The following MSRA variants were observed in gnomAD, a reference collection of about 807,000 sequenced individuals.
The protein encoded by MSRA is methionine sulfoxide reductase A, also known as mitochondrial peptide methionine sulfoxide reductase.
In MSRA, 54 loss-of-function variants were observed where a neutral mutation model predicts 31.3. The ratio of observed to expected loss-of-function variants is 1.73; its 90% CI spans 1.39 to 2.17. The LOEUF (loss-of-function observed/expected upper bound fraction) is 2.17, where lower values mean the gene tolerates loss of function less well. Among genes scored for constraint, MSRA ranks in the 30% most tolerant of loss-of-function variants. The pLI, the probability that MSRA is intolerant of heterozygous loss-of-function variation, is 0.00. For missense variants in MSRA, 507 were observed against 300.9 expected (o/e 1.69, Z -5.07); for synonymous variants, 169 against 116.5 (o/e 1.45, Z -2.90).
intron 2 of MSRA, among the ~76,000 whole-genome samples, chr8:10,238,656 G>C (rs1200810866): frequency 6.6e-6 from 1 of 152,170 alleles, no homozygotes; most frequent in African/African-American, 2.4e-5. Flanking sequence ...AGATAAGTGG[G>C]AGAAATAATG....
At chr8:10,158,284 C>CA (rs2129040746) in intron 1 of MSRA, among the ~76,000 whole-genome samples, 1 of 152,336 alleles carries the variant, frequency 6.6e-6, no homozygotes, top group Admixed American at 6.5e-5. Context: ...GAACTGCAGT[C>CA]AGACAGTTGT....
chr8:10,259,390 T>C (rs151255935), intron 3 of MSRA, among the ~76,000 whole-genome samples: 1 of 152,256 alleles, frequency 6.6e-6, no homozygotes, highest in Admixed American at 6.5e-5. Flanking sequence ...GAAGAGTTAA[T>C]TCACAGGTTG....
At chr8:10,209,637 A>G (rs898594365) in intron 2 of MSRA, among the ~76,000 whole-genome samples, 9 of 151,966 alleles carry the variant, frequency 5.9e-5, no homozygotes, top group African/African-American at 2.2e-4. Context: ...TCATTGTTTC[A>G]CTTTCAGCGG....
chr8:10,073,174 A>G (rs553910463), intron 1 of MSRA, among the ~76,000 whole-genome samples: 10 of 152,328 alleles, frequency 6.6e-5, no homozygotes, highest in African/African-American at 1.7e-4. Context: ...GAGAGCAGAC[A>G]TGCTTACTTT....
intron 2 of MSRA, among the ~76,000 whole-genome samples, chr8:10,238,525 T>A (rs905544817): frequency 7.2e-5 from 11 of 152,224 alleles, no homozygotes; most frequent in Non-Finnish European, 1.2e-4. Context: ...AAAAAATATT[T>A]GTTGAATAAA....
At chr8:10,133,781 C>T (rs927959519) in intron 1 of MSRA, among the ~76,000 whole-genome samples, 1 of 152,090 alleles carries the variant, frequency 6.6e-6, no homozygotes, top group Non-Finnish European at 1.5e-5. Flanking sequence ...GGATATTATC[C>T]TGACCTGTCA....
chr8:10,063,862 G>T (rs1797329763), intron 1 of MSRA, among the ~76,000 whole-genome samples: 1 of 152,220 alleles, frequency 6.6e-6, no homozygotes, highest in South Asian at 2.1e-4. Context: ...CTGGCGGACT[G>T]AGACACAGGA....
rs574545399 is a variant in MSRA, at chr8:10,187,433, C to T, written c.143-20400C>T. Among the ~76,000 whole-genome samples the T allele has an allele frequency of 6.6e-5, 10 of 152,250 alleles. No homozygotes were observed. In the East Asian group the frequency reaches 9.6e-4, roughly 15 times the overall value. The stretch of plus-strand genomic sequence containing the variant: ...GCTACCTTCCACCACCAGCTTCTGC[C>T]GCATGTTGTATGTTAGGAAGCTTAC... On this transcript the variant is annotated intron_variant, in intron 1 of 5. Transcript: ENST00000317173.
At chr8:10,245,591 T>G (rs1010727839) in intron 3 of MSRA, among the ~76,000 whole-genome samples, 1 of 152,218 alleles carries the variant, frequency 6.6e-6, no homozygotes, top group Non-Finnish European at 1.5e-5. Context: ...GTGGGTTGCC[T>G]GGGGGCTAGT....
At chr8:10,094,288 C>T (rs1224481303) in intron 1 of MSRA, among the ~76,000 whole-genome samples, 1 of 152,124 alleles carries the variant, frequency 6.6e-6, no homozygotes, top group Non-Finnish European at 1.5e-5. Context: ...GTGATCCGTT[C>T]CCATAACTTA....
At chr8:10,423,453 GCC>G (rs1808934378) in intron 5 of MSRA, among the ~76,000 whole-genome samples, 1 of 151,588 alleles carries the variant, frequency 6.6e-6, no homozygotes, top group Non-Finnish European at 1.5e-5. Flanking sequence ...ATGCACCCAT[GCC>G]GGCACCTGCA....
At chr8:10,256,925 C>G (rs1488163766) in intron 3 of MSRA, among the ~76,000 whole-genome samples, 1 of 152,190 alleles carries the variant, frequency 6.6e-6, no homozygotes, top group Non-Finnish European at 1.5e-5. Flanking sequence ...AGAAGAAACT[C>G]TCAGAGGTCT....
chr8:10,417,287 T>C (rs1284667487), intron 5 of MSRA, among the ~76,000 whole-genome samples: 16 of 152,116 alleles, frequency 1.1e-4, no homozygotes, highest in Non-Finnish European at 1.5e-5. Flanking sequence ...GTGGCCTGGG[T>C]TTGTCCTCCT....
intron 5 of MSRA, among the ~76,000 whole-genome samples, chr8:10,378,534 G>C (rs1345705027): frequency 1.3e-5 from 2 of 152,192 alleles, no homozygotes; most frequent in African/African-American, 4.8e-5. Flanking sequence ...GGCTGGGTGA[G>C]ACTGGGCTCA....
intron 2 of MSRA, among the ~76,000 whole-genome samples, chr8:10,226,442 C>A (rs1811006736): frequency 6.6e-6 from 1 of 152,148 alleles, no homozygotes; most frequent in Non-Finnish European, 1.5e-5. Context: ...TTTCCCACAT[C>A]CATATGTCCT....
Position 10,138,571 on chromosome 8 carries a change from A to G in MSRA, c.143-69262A>G, listed in dbSNP as rs573965055. ...CTTTTCAGTGACATTCTTTTATTCA[A>G]TGTAGTGGGTGATCTGAATTGCAAG... On this transcript the variant is annotated intron_variant, in intron 1 of 5. Coordinates refer to ENST00000317173, the MANE Select transcript of MSRA (RefSeq NM_012331.5). Among the ~76,000 whole-genome samples, 61 of 152,284 alleles carry G rather than the reference A, an allele frequency of 4.0e-4. No homozygotes were observed. The South Asian group carries it at 5.6e-3, about 14-fold the overall frequency.
intron 5 of MSRA, among the ~76,000 whole-genome samples, chr8:10,387,395 C>G (rs981378245): frequency 6.6e-5 from 10 of 152,106 alleles, no homozygotes; most frequent in Non-Finnish European, 1.2e-4. Flanking sequence ...AAAAGGCATA[C>G]CCATGTATTA....
In MSRA at chr8:10,106,171, A is replaced by G. The variant is rs529357751; in HGVS notation, c.142+51513A>G. On this transcript the variant is annotated intron_variant, in intron 1 of 5. Transcript: ENST00000317173. ...AGGGAAGAGTGGGCTTGCAAACCCA[A>G]ACGTGGAAGTCAGACCTTGAGGTAT... 5.3e-5 allele frequency among the ~76,000 whole-genome samples: 8 copies of G among 152,278 alleles called. No individual in the cohort carries two copies. The East Asian group carries it at 1.5e-3, about 29-fold the overall frequency.
At chr8:10,328,054 G>GTTTT (rs1563356091) in intron 5 of MSRA, among the ~76,000 whole-genome samples, 1,478 of 58,542 alleles carry the variant, frequency 0.025, 27 homozygotes, top group African/African-American at 0.071. Flanking sequence ...TTTTTTTTTA[G>GTTTT]TATCAGTGAC....
Sources: gnomAD v4.1 joint callset for allele counts (sites outside exome capture counted in the v4.1 genomes callset) on GRCh38, gnomAD v4.1.1 for gene constraint, MANE v1.5 for transcripts, NCBI Gene and HGNC (gene_info 2026-07-23, HGNC 2026-07-21) for gene names.